CHRM5: variants seen among roughly 807,000 people sequenced by gnomAD.
The protein encoded by CHRM5 is cholinergic receptor muscarinic 5.
In CHRM5, 18 loss-of-function variants were observed where a neutral mutation model predicts 39.0. The observed-to-expected ratio is 0.46, with a 90% CI of 0.32 to 0.68. The LOEUF (loss-of-function observed/expected upper bound fraction) is 0.68, where lower values mean the gene tolerates loss of function less well. Ranked by LOEUF, CHRM5 falls within the 30% of genes least tolerant of loss-of-function variation. The probability of loss-of-function intolerance (pLI) is 0.04; values close to 1 mark genes in which losing one functional copy is unlikely to be tolerated. For synonymous variants in CHRM5, 241 were observed against 246.3 expected (o/e 0.98, Z 0.20); for missense variants, 515 against 651.1 (o/e 0.79, Z 2.28).
intron 1 of CHRM5, among the ~76,000 whole-genome samples, chr15:33,982,638 AC>A (rs1374152105): frequency 2.0e-5 from 3 of 152,292 alleles, no homozygotes; most frequent in African/African-American, 7.2e-5. Context: ...CACTGCACTG[AC>A]TCAAAATTTT....
At chr15:34,006,319 A>AC (rs886531725) in intron 1 of CHRM5, among the ~76,000 whole-genome samples, 1 of 152,074 alleles carries the variant, frequency 6.6e-6, no homozygotes, top group Non-Finnish European at 1.5e-5. Context: ...TCAAAAAAAA[A>AC]AAAAACAGCC....
intron 1 of CHRM5, among the ~76,000 whole-genome samples, chr15:33,987,641 G>A (rs1418181196): frequency 6.6e-6 from 1 of 152,158 alleles, no homozygotes. Flanking sequence ...CAAGGCTGCT[G>A]CCAGCTGCTT....
In CHRM5 at chr15:34,063,910, A is replaced by T. The variant is rs1250967593; in HGVS notation, c.1193A>T (p.His398Leu). Reference protein sequence around the residue: ...DGNQETNNGCHKVKIMPCPFP... With the variant: ...DGNQETNNGCLKVKIMPCPFP... Reference sequence around the variant, plus strand: ...AACCAGGAGACCAACAATGGCTGTCACAAGGTGAAAATCATGCCCTGCCCC... The same window carrying T: ...AACCAGGAGACCAACAATGGCTGTCTCAAGGTGAAAATCATGCCCTGCCCC... The change falls in exon 3 of 3, where the codon CAC (histidine) becomes CTC (leucine). Residue 398 changes from histidine to leucine, a missense_variant. Physicochemically the swap from His to Leu is moderately conservative, Grantham distance 99. Coordinates refer to ENST00000383263, the MANE Select transcript of CHRM5 (RefSeq NM_012125.4). The surrounding 1 kb of genome is among the most constrained non-coding windows in gnomAD (Gnocchi z 4.1). 1.9e-6 allele frequency: 3 copies of T among 1,614,210 alleles called. No homozygotes were observed. The highest frequency in any genetic ancestry group is 2.5e-6 in the Non-Finnish European group (3 of 1,180,038).
At chr15:34,026,655 T>G (rs777158855) in intron 1 of CHRM5, among the ~76,000 whole-genome samples, 1 of 152,022 alleles carries the variant, frequency 6.6e-6, no homozygotes, top group African/African-American at 2.4e-5. Flanking sequence ...CAAGGATCAC[T>G]GAGGACAAGA....
At chr15:34,040,525 C>T (rs1374908891) in intron 1 of CHRM5, among the ~76,000 whole-genome samples, 2 of 152,202 alleles carry the variant, frequency 1.3e-5, no homozygotes, top group African/African-American at 2.4e-5. Context: ...ATTCTACATA[C>T]TTCTCATATC....
intron 2 of CHRM5, among the ~76,000 whole-genome samples, chr15:34,050,311 T>C (rs572426796): frequency 1.3e-5 from 2 of 152,322 alleles, no homozygotes; most frequent in African/African-American, 4.8e-5. Flanking sequence ...TTTGTCACCA[T>C]TGGGCCTGCC....
chr15:34,007,453 G>A (rs764537666), intron 1 of CHRM5, among the ~76,000 whole-genome samples: 27 of 152,216 alleles, frequency 1.8e-4, no homozygotes, highest in Non-Finnish European at 3.5e-4. Flanking sequence ...AACCAGGCAC[G>A]CTTTTCCTCT....
Position 34,062,763 on chromosome 15 carries a change from C to T in CHRM5, c.46C>T (p.Pro16Ser), listed in dbSNP as rs111448827. Residue 16 changes from proline (P) to serine (S), a missense_variant, in exon 3 of 3, where the codon CCA becomes TCA. Pro to Ser is a moderately conservative substitution (Grantham distance 74). Coordinates refer to ENST00000383263, the MANE Select transcript of CHRM5 (RefSeq NM_012125.4). ...YHNATTVNGT[P>S]VNHQPLERHR... ...CAATGCAACCACCGTCAATGGCACC[C>T]CAGTAAATCACCAGCCTTTGGAACG... The T allele has an allele frequency of 4.9e-4, 787 of 1,613,858 alleles. 6 individuals carry two copies. In the African/African-American group the frequency reaches 9.4e-3, roughly 19 times the overall value.
Position 34,067,358 on chromosome 15 carries a change from G to A in CHRM5, c.*3042G>A, listed in dbSNP as rs1900538305. ...AACCTCTGGATTAGAATCTCCAGTT[G>A]TCTACTGTAAATACTGGAATTACAG... On this transcript the variant is annotated 3_prime_UTR_variant, in exon 3 of 3. Coordinates refer to ENST00000383263, the MANE Select transcript of CHRM5 (RefSeq NM_012125.4). 1 of 152,250 alleles carries A rather than the reference G, an allele frequency of 6.6e-6. No individual in the cohort carries two copies. Among genetic ancestry groups the A allele is most frequent in the South Asian group, 2.1e-4 (1 of 4,824 alleles). 9.4% of individuals were successfully genotyped at this position (152,250 alleles called of 1,614,324 possible). A position where few individuals can be genotyped will look rare whatever the true frequency, so the allele number is the denominator to read the frequency against.
At position 34,066,229 on chromosome 15, in the gene CHRM5, A is replaced by G. The variant is rs1900506581; in HGVS notation, c.*1913A>G. 6.6e-6 allele frequency: 1 copy of G among 152,250 alleles called. No homozygotes were observed. The highest frequency in any genetic ancestry group is 2.1e-4 in the South Asian group (1 of 4,838). The allele number at this position is 152,250 out of a possible 1,614,324, so 9.4% of individuals were successfully genotyped here. ...GCACAGAGGCTTTCGGGCCTCCGTG[A>G]TGCCAACTGGGTGTGACTTCATGAG... On this transcript the variant is annotated 3_prime_UTR_variant, in exon 3 of 3. Coordinates refer to ENST00000383263, the MANE Select transcript of CHRM5 (RefSeq NM_012125.4).
intron 1 of CHRM5, among the ~76,000 whole-genome samples, chr15:34,015,618 A>C (rs1897865059): frequency 6.6e-6 from 1 of 152,238 alleles, no homozygotes; most frequent in Non-Finnish European, 1.5e-5. Flanking sequence ...AGCTAAGAAT[A>C]AAAAAGTAAC....
chr15:34,026,495 A>G (rs1898478576), intron 1 of CHRM5, among the ~76,000 whole-genome samples: 1 of 152,186 alleles, frequency 6.6e-6, no homozygotes, highest in Admixed American at 6.5e-5. Context: ...AATTGAAGAA[A>G]TCATATAAGG....
Position 33,976,358 on chromosome 15 carries a change from G to A in CHRM5, c.-408+7208G>A, listed in dbSNP as rs776148706. Among the ~76,000 whole-genome samples the A allele has an allele frequency of 3.9e-4, 60 of 152,198 alleles. 1 individual carries two copies. The highest frequency in any genetic ancestry group is 3.4e-3 in the Middle Eastern group (1 of 294). ...GTCAATCTCCTAAGTGAGTAATGTC[G>A]CTTTTTTCTCTAAAATACTTTAAAA... On this transcript the variant is annotated intron_variant, in intron 1 of 2. Transcript: ENST00000383263.
In CHRM5 at chr15:34,063,061, A is replaced by G; in HGVS notation, c.344A>G (p.Asn115Ser). 2 of 1,614,162 alleles carry G rather than the reference A, an allele frequency of 1.2e-6. No homozygotes were observed. The highest frequency in any genetic ancestry group is 2.2e-5 in the South Asian group (2 of 91,076). Residue 115 changes from asparagine (N) to serine (S), a missense_variant, in exon 3 of 3, where the codon AAC (asparagine) becomes AGC (serine). Coordinates refer to ENST00000383263, the MANE Select transcript of CHRM5 (RefSeq NM_012125.4). The surrounding 1 kb of genome is among the most constrained non-coding windows in gnomAD (Gnocchi z 4.1). Reference sequence around the variant, plus strand: ...CTTGCACTGGACTACGTGGCCAGCAACGCTTCTGTCATGAACCTTCTGGTG... The same window carrying G: ...CTTGCACTGGACTACGTGGCCAGCAGCGCTTCTGTCATGAACCTTCTGGTG... ...LWLALDYVAS[N>S]ASVMNLLVIS...
At chr15:34,042,755 C>T (rs770611571) in intron 1 of CHRM5, among the ~76,000 whole-genome samples, 4 of 151,982 alleles carry the variant, frequency 2.6e-5, no homozygotes, top group Non-Finnish European at 5.9e-5. Flanking sequence ...GGTAGTTGTT[C>T]TCAAAATGTA....
chr15:34,025,051 A>C (rs1366568298), intron 1 of CHRM5, among the ~76,000 whole-genome samples: 2 of 151,128 alleles, frequency 1.3e-5, no homozygotes, highest in African/African-American at 4.9e-5. Context: ...GGAGCCTGTA[A>C]TCCAGCTACT....
At chr15:34,050,382 G>A (rs116341539) in intron 2 of CHRM5, among the ~76,000 whole-genome samples, 2,499 of 152,208 alleles carry the variant, frequency 0.016, 85 homozygotes, top group African/African-American at 0.056. Context: ...ACCCGTTACC[G>A]GACACTACAA....
chr15:33,994,688 T>G (rs574530710), intron 1 of CHRM5, among the ~76,000 whole-genome samples: 5 of 152,190 alleles, frequency 3.3e-5, no homozygotes, highest in African/African-American at 1.2e-4. Context: ...GTGTGTGAAA[T>G]AGAAATTCAC....
intron 1 of CHRM5, among the ~76,000 whole-genome samples, chr15:34,015,364 T>TC (rs1444971450): frequency 1.3e-5 from 2 of 151,752 alleles, no homozygotes; most frequent in Non-Finnish European, 2.9e-5. Flanking sequence ...GCACCTGTAG[T>TC]CCAGCTACTC....
Sources: allele counts gnomAD v4.1 joint callset (sites outside exome capture counted in the v4.1 genomes callset), GRCh38; gene constraint gnomAD v4.1.1; non-coding constraint Gnocchi (gnomAD v3.1); transcripts MANE v1.5; gene names NCBI Gene and HGNC (gene_info 2026-07-23, HGNC 2026-07-21).